GCN1: variants seen among roughly 807,000 people sequenced by gnomAD.
GCN1 encodes the protein GCN1 activator of EIF2AK4, also known as stalled ribosome sensor GCN1.
GCN1 carries 90 observed loss-of-function variants against 288.4 expected under a neutral mutation model. That is an observed-to-expected ratio of 0.31 (90% CI 0.26 to 0.37). The LOEUF is 0.37. Among genes scored for constraint, GCN1 ranks in the 10% least tolerant of loss-of-function variants. The pLI is 1.00. For missense variants in GCN1, 2,586 were observed against 3,419.9 expected, an observed-to-expected ratio of 0.76 and a Z score of 6.08; for synonymous variants, 1,386 against 1,420.2, an observed-to-expected ratio of 0.98 and a Z score of 0.54.
chr12:120,145,335 A>G lies in GCN1; in HGVS notation c.4948-5T>C, dbSNP rs747796798. On this transcript the variant is annotated splice_region_variant and splice_polypyrimidine_tract_variant and intron_variant, in intron 38 of 57. Coordinates refer to ENST00000300648, the MANE Select transcript of GCN1 (RefSeq NM_006836.2). Reference sequence around the variant, plus strand: ...GGGCAGGTACGGAGCCAAGTCCTGCAACAACACAGGAGGCGGCTCAGGTGA... The same window carrying G: ...GGGCAGGTACGGAGCCAAGTCCTGCGACAACACAGGAGGCGGCTCAGGTGA... 3.8e-6 allele frequency: 6 copies of G among 1,576,080 alleles called. No homozygotes were observed. The South Asian group carries it at 7.0e-5, about 18-fold the overall frequency.
At chr12:120,161,164 C>T (rs1180438485) in intron 22 of GCN1, among the ~76,000 whole-genome samples, 2 of 152,214 alleles carry the variant, frequency 1.3e-5, no homozygotes, top group African/African-American at 4.8e-5. Flanking sequence ...TGCCTGCTAT[C>T]AGGAGTCTAG....
rs572849773 is a variant in GCN1, at chr12:120,128,571, G to A, written c.7891-597C>T. ...GGCTGGTCTCGAACTCCTGACCTCC[G>A]GTGATCCGCCCACCTTGGCCTCCCA... On this transcript the variant is annotated intron_variant, in intron 57 of 57. Transcript: ENST00000300648. 6.0e-5 allele frequency among the ~76,000 whole-genome samples: 9 copies of A among 150,916 alleles called. 1 individual carries two copies. In the South Asian group the frequency reaches 1.3e-3, roughly 21 times the overall value.
chr12:120,189,370 C>CA (rs1878930118), intron 2 of GCN1, among the ~76,000 whole-genome samples: 1 of 134,324 alleles, frequency 7.4e-6, no homozygotes, highest in Non-Finnish European at 1.6e-5. Flanking sequence ...CACACCCAGG[C>CA]TTTTTTTTTT....
chr12:120,157,800 C>G (rs1877798414), intron 26 of GCN1, 49 bp downstream of exon 26: 2 of 1,490,558 alleles, frequency 1.3e-6, no homozygotes, highest in South Asian at 1.2e-5. Context: ...CAGGCCCTGC[C>G]TCCCTGATCC....
intron 5 of GCN1, among the ~76,000 whole-genome samples, 158 bp downstream of exon 5, chr12:120,183,411 C>T (rs151166309): frequency 6.6e-6 from 1 of 152,312 alleles, no homozygotes; most frequent in African/African-American, 2.4e-5. Flanking sequence ...TTATGCTGCA[C>T]TCATGGCCAT....
At chr12:120,177,877 G>A in intron 7 of GCN1, 125 bp from the exon 8 acceptor site, 1 of 755,172 alleles carries the variant, frequency 1.3e-6, no homozygotes, top group East Asian at 2.5e-5. Flanking sequence ...TCAGTGTTAA[G>A]CATAGAGGTC....
At chr12:120,171,586 A>T (rs1253418214) in intron 14 of GCN1, among the ~76,000 whole-genome samples, 1 of 152,178 alleles carries the variant, frequency 6.6e-6, no homozygotes, top group East Asian at 1.9e-4. Context: ...CAATGAAAGC[A>T]GTTTCCCAGA....
At chr12:120,161,429 C>G (rs1566309549) in intron 22 of GCN1, 61 bp downstream of exon 22, 1 of 1,090,136 alleles carries the variant, frequency 9.2e-7, no homozygotes, top group South Asian at 1.3e-5. Context: ...GTGGGAAAAG[C>G]CACCAGCTTG....
intron 15 of GCN1, 48 bp from the exon 16 acceptor site, chr12:120,168,348 C>A: frequency 1.8e-6 from 2 of 1,093,298 alleles, no homozygotes; most frequent in East Asian, 2.3e-5. Context: ...CCACATCCCC[C>A]AGAGCTGATC....
chr12:120,140,883 G>C lies in GCN1; in HGVS notation c.5970C>G (p.Ile1990Met). ...RQGVCIGLSEIMKSTSRDAVL... is the reference protein window; with the variant it reads ...RQGVCIGLSEMMKSTSRDAVL... ...CGGCATCCCGGCTGGTGGACTTCAT[G>C]ATCTCACTTAGGCCAATGCACACAC... The change falls in exon 45 of 58, where the codon ATC becomes ATG. Residue 1990 changes from isoleucine to methionine, a missense_variant. Coordinates refer to ENST00000300648, the MANE Select transcript of GCN1 (RefSeq NM_006836.2). 8 of 1,613,908 alleles carry C rather than the reference G, an allele frequency of 5.0e-6. No homozygotes were observed. The highest frequency in any genetic ancestry group is 6.8e-6 in the Non-Finnish European group (8 of 1,179,898).
intron 14 of GCN1, among the ~76,000 whole-genome samples, chr12:120,171,520 T>C (rs1364140270): frequency 1.3e-5 from 2 of 152,046 alleles, no homozygotes; most frequent in Admixed American, 1.3e-4. Flanking sequence ...CCCCAACACC[T>C]TGGTTTGTTG....
chr12:120,177,144 C>T (rs1168170426), intron 9 of GCN1, among the ~76,000 whole-genome samples: 1 of 152,142 alleles, frequency 6.6e-6, no homozygotes, highest in Non-Finnish European at 1.5e-5. Context: ...CTCACTGCAA[C>T]TTCCACTTCC....
At chr12:120,180,656 G>A (rs1179402389) in intron 5 of GCN1, among the ~76,000 whole-genome samples, 3 of 151,538 alleles carry the variant, frequency 2.0e-5, no homozygotes, top group Admixed American at 6.6e-5. Flanking sequence ...AATGCCCAAG[G>A]TCACTAGTGA....
rs1878676714 is a variant in GCN1, at chr12:120,181,879, G to A, written c.426+1690C>T. Reference sequence around the variant, plus strand: ...AAAAAAAAGTAGGCTGGGCACAATGGCTCATACCTGTAATCCCTGCACTTT... The same window carrying A: ...AAAAAAAAGTAGGCTGGGCACAATGACTCATACCTGTAATCCCTGCACTTT... On this transcript the variant is annotated intron_variant, in intron 5 of 57. Coordinates refer to ENST00000300648, the MANE Select transcript of GCN1 (RefSeq NM_006836.2). Among the ~76,000 whole-genome samples the A allele has an allele frequency of 2.0e-5, 3 of 149,750 alleles. No individual in the cohort carries two copies. In the South Asian group the frequency reaches 6.3e-4, roughly 31 times the overall value.
At position 120,132,628 on chromosome 12, in the gene GCN1, C is replaced by T. The variant is rs1163124221; in HGVS notation, c.7318-606G>A. On this transcript the variant is annotated intron_variant, in intron 53 of 57. Coordinates refer to ENST00000300648, the MANE Select transcript of GCN1 (RefSeq NM_006836.2). ...GCCAAGGAAGATAAGGAAAGGCAAGCACTTCCTGTTCAAATCAGAGCCAGG... is the reference window on the plus strand; with the variant it reads ...GCCAAGGAAGATAAGGAAAGGCAAGTACTTCCTGTTCAAATCAGAGCCAGG... 2.0e-5 allele frequency among the ~76,000 whole-genome samples: 3 copies of T among 152,226 alleles called. No individual in the cohort carries two copies. In the South Asian group the frequency reaches 6.2e-4, roughly 31 times the overall value.
intron 21 of GCN1, 43 bp from the exon 22 acceptor site, chr12:120,161,626 G>GC (rs750208559): frequency 7.0e-7 from 1 of 1,428,024 alleles, no homozygotes; most frequent in Non-Finnish European, 9.9e-7. Flanking sequence ...GAAAAGCACC[G>GC]CAAGTCCTGT....
At chr12:120,145,449 A>G (rs1877334376) in intron 38 of GCN1, 119 bp from the exon 39 acceptor site, 3 of 702,940 alleles carry the variant, frequency 4.3e-6, no homozygotes, top group Non-Finnish European at 6.9e-6. Flanking sequence ...AGGGGCACCT[A>G]GCATGCAAAC....
rs145516922 is a variant in GCN1, at chr12:120,169,868, T to C, written c.1519+301A>G. Among the ~76,000 whole-genome samples, 1,004 of 152,336 alleles carry C rather than the reference T, an allele frequency of 6.6e-3. 24 individuals carry two copies. The highest frequency in any genetic ancestry group is 0.023 in the African/African-American group (956 of 41,578). Reference sequence around the variant, plus strand: ...TGTTATATCCTTTTGAATTTTGTACTGTATGAATGTATAACCAACTGAAAC... The same window carrying C: ...TGTTATATCCTTTTGAATTTTGTACCGTATGAATGTATAACCAACTGAAAC... On this transcript the variant is annotated intron_variant, in intron 15 of 57. Transcript: ENST00000300648.
At chr12:120,174,219 G>C in intron 12 of GCN1, 50 bp from the exon 13 acceptor site, 1 of 1,081,124 alleles carries the variant, frequency 9.2e-7, no homozygotes, top group Non-Finnish European at 1.4e-6. Flanking sequence ...GAACCACAGA[G>C]GCAAGTCTTC....
Sources: allele counts gnomAD v4.1 joint callset (sites outside exome capture counted in the v4.1 genomes callset), GRCh38; gene constraint gnomAD v4.1.1; transcripts MANE v1.5; gene names NCBI Gene and HGNC (gene_info 2026-07-23, HGNC 2026-07-21).